Variants in TMEM132D observed in about 807,000 individuals in gnomAD.
TMEM132D encodes transmembrane protein 132D.
TMEM132D carries 21 observed loss-of-function variants against 62.3 expected under a neutral mutation model. The observed-to-expected ratio is 0.34, with a 90% CI of 0.24 to 0.49. TMEM132D has a LOEUF of 0.49. Ranked by LOEUF, TMEM132D falls within the 20% of genes least tolerant of loss-of-function variation. The probability of loss-of-function intolerance (pLI) is 0.99; values close to 1 mark genes in which losing one functional copy is unlikely to be tolerated. For missense variants in TMEM132D, 1,346 were observed against 1,402.8 expected, an observed-to-expected ratio of 0.96 and a Z score of 0.65; for synonymous variants, 621 against 575.6, an observed-to-expected ratio of 1.08 and a Z score of -1.13.
In TMEM132D at chr12:129,700,281, G is replaced by C. The variant is rs1313754651; in HGVS notation, c.497C>G (p.Pro166Arg). The C allele has an allele frequency of 6.2e-7, 1 of 1,613,568 alleles. No homozygotes were observed. The highest frequency in any genetic ancestry group is 1.7e-5 in the Admixed American group (1 of 60,010). The change falls in exon 2 of 9, where the codon CCG becomes CGG. Residue 166 changes from proline to arginine, a missense_variant. Transcript: ENST00000422113. ...TCGGAAAGCAAAGACCCTCAGGCACGGCAGCTTCTCCCCGGCGCTGCGGTC... is the reference window on the plus strand; with the variant it reads ...TCGGAAAGCAAAGACCCTCAGGCACCGCAGCTTCTCCCCGGCGCTGCGGTC... ...WDDRSAGEKL[P>R]CLRVFAFRET...
chr12:129,681,857 G>A (rs1233746711), intron 2 of TMEM132D, among the ~76,000 whole-genome samples: 4 of 152,134 alleles, frequency 2.6e-5, no homozygotes, highest in African/African-American at 9.7e-5. Flanking sequence ...GCTGATTTTT[G>A]GAAACATCTG....
chr12:129,336,539 T>C (rs1394074127), intron 4 of TMEM132D, among the ~76,000 whole-genome samples: 1 of 150,858 alleles, frequency 6.6e-6, no homozygotes, highest in Non-Finnish European at 1.5e-5. Context: ...ACCACCGCAC[T>C]CCAGCCTGGG....
At chr12:129,823,888 G>T (rs1872595018) in intron 1 of TMEM132D, among the ~76,000 whole-genome samples, 1 of 152,138 alleles carries the variant, frequency 6.6e-6, no homozygotes, top group Non-Finnish European at 1.5e-5. Context: ...CTTATTATTG[G>T]TTTTAAATTG....
At chr12:129,889,686 T>C (rs1238872984) in intron 1 of TMEM132D, among the ~76,000 whole-genome samples, 5 of 152,234 alleles carry the variant, frequency 3.3e-5, no homozygotes, top group Admixed American at 2.6e-4. Flanking sequence ...AAGATCCTTG[T>C]AACGGAAGAT....
chr12:129,085,614 C>T (rs558959399), intron 5 of TMEM132D: 9 of 152,200 alleles, frequency 5.9e-5, no homozygotes, highest in Non-Finnish European at 1.0e-4. Context: ...GGATTCCTTT[C>T]ATCCTCAGAA....
chr12:129,126,580 A>G (rs1876220529), intron 5 of TMEM132D, among the ~76,000 whole-genome samples: 1 of 152,178 alleles, frequency 6.6e-6, no homozygotes. Context: ...ATTGAAGAGC[A>G]AAAATATGCC....
intron 1 of TMEM132D, among the ~76,000 whole-genome samples, chr12:129,806,597 G>A (rs1032903132): frequency 7.3e-5 from 11 of 150,030 alleles, no homozygotes; most frequent in African/African-American, 2.0e-4. Flanking sequence ...AATGCTAGAT[G>A]ATGAGTTAGT....
intron 5 of TMEM132D, among the ~76,000 whole-genome samples, chr12:129,184,556 G>T (rs143619516): frequency 5.6e-4 from 85 of 152,320 alleles, no homozygotes; most frequent in African/African-American, 1.9e-3. Context: ...TGGGGTGGTG[G>T]ATTTTGGGCT....
chr12:129,082,227 T>C (rs1463739814), intron 6 of TMEM132D, among the ~76,000 whole-genome samples, 195 bp from the exon 7 acceptor site: 1 of 152,194 alleles, frequency 6.6e-6, no homozygotes, highest in Non-Finnish European at 1.5e-5. Flanking sequence ...GCATGGCCGG[T>C]GCAGCCAGCA....
chr12:129,398,912 A>T (rs79553923), intron 3 of TMEM132D, among the ~76,000 whole-genome samples: 12,128 of 152,112 alleles, frequency 0.08, 1,149 homozygotes, highest in African/African-American at 0.24. Context: ...GTGCTGCTAT[A>T]AGAGAATACT....
At chr12:129,126,517 A>G (rs1876219067) in intron 5 of TMEM132D, among the ~76,000 whole-genome samples, 1 of 152,044 alleles carries the variant, frequency 6.6e-6, no homozygotes, top group Non-Finnish European at 1.5e-5. Flanking sequence ...TCTCATATAC[A>G]CTAACCCACT....
chr12:129,526,505 G>A (rs540424047), intron 3 of TMEM132D, among the ~76,000 whole-genome samples: 2 of 152,100 alleles, frequency 1.3e-5, no homozygotes, highest in South Asian at 2.1e-4. Flanking sequence ...GGATGGTCTC[G>A]AACTCCTGAC....
intron 2 of TMEM132D, among the ~76,000 whole-genome samples, chr12:129,581,068 G>A (rs1403096529): frequency 6.6e-6 from 1 of 152,204 alleles, no homozygotes; most frequent in Non-Finnish European, 1.5e-5. Flanking sequence ...AGGGGTCATG[G>A]TGGCTTGGTG....
At chr12:129,348,201 C>G (rs1215910032) in intron 3 of TMEM132D, among the ~76,000 whole-genome samples, 1 of 152,194 alleles carries the variant, frequency 6.6e-6, no homozygotes. Flanking sequence ...AATCCCATTA[C>G]TGGGTATATA....
At chr12:129,126,145 T>C (rs932265637) in intron 5 of TMEM132D, among the ~76,000 whole-genome samples, 2 of 152,198 alleles carry the variant, frequency 1.3e-5, no homozygotes, top group African/African-American at 4.8e-5. Flanking sequence ...TTAAGGTACA[T>C]GTCTTTAAAA....
chr12:129,464,313 G>C (rs1020535759), intron 3 of TMEM132D, among the ~76,000 whole-genome samples: 1 of 152,126 alleles, frequency 6.6e-6, no homozygotes, highest in African/African-American at 2.4e-5. Flanking sequence ...CCCACTTTTT[G>C]ATGGGGTTGT....
chr12:129,227,300 A>AATATATATATAT lies in TMEM132D; in HGVS notation c.1300-17649_1300-17638dup, dbSNP rs141108255. 6.6e-3 allele frequency among the ~76,000 whole-genome samples: 714 copies of AATATATATATAT among 108,690 alleles called. 39 individuals carry two copies. Among genetic ancestry groups the AATATATATATAT allele is most frequent in the South Asian group, 0.011 (32 of 2,904 alleles). 71.3% of individuals were successfully genotyped at this position (108,690 alleles called of 152,430 possible). ...ATCTGTCATCTGTCCTGCGTTAGGA[A>AATATATATATAT]ATATATATATATATATATATATATA... On this transcript the variant is annotated intron_variant, in intron 4 of 8. Coordinates refer to ENST00000422113, the MANE Select transcript of TMEM132D (RefSeq NM_133448.3).
intron 3 of TMEM132D, among the ~76,000 whole-genome samples, chr12:129,404,292 G>A (rs536864816): frequency 1.8e-4 from 27 of 152,078 alleles, no homozygotes; most frequent in African/African-American, 5.3e-4. Flanking sequence ...TCCACCTCCC[G>A]GGTTCAAGTG....
intron 1 of TMEM132D, among the ~76,000 whole-genome samples, chr12:129,847,233 G>C (rs1023638204): frequency 2.4e-4 from 36 of 152,232 alleles, no homozygotes; most frequent in African/African-American, 7.7e-4. Context: ...CCATCTTCCT[G>C]GGCAGGTCCT....
Sources: gnomAD v4.1 joint callset for allele counts (sites outside exome capture counted in the v4.1 genomes callset) on GRCh38, gnomAD v4.1.1 for gene constraint, MANE v1.5 for transcripts, NCBI Gene and HGNC (gene_info 2026-07-23, HGNC 2026-07-21) for gene names.